The following F13A1 variants were observed in gnomAD, a reference collection of about 807,000 sequenced individuals.
The protein encoded by F13A1 is coagulation factor XIII A chain, also known as FSF, A subunit.
F13A1 carries 47 observed loss-of-function variants against 80.1 expected under a neutral mutation model. The ratio of observed to expected loss-of-function variants is 0.59; its 90% CI spans 0.46 to 0.75. The LOEUF (loss-of-function observed/expected upper bound fraction) is 0.75. Among genes scored for constraint, F13A1 ranks in the 30% least tolerant of loss-of-function variants. F13A1 has a pLI of 0.00. For synonymous variants in F13A1, 349 were observed against 344.9 expected (o/e 1.01, Z -0.13); for missense variants, 817 against 930.4 (o/e 0.88, Z 1.59).
chr6:6,176,901 A>G (rs994649840), intron 11 of F13A1, among the ~76,000 whole-genome samples: 2 of 152,196 alleles, frequency 1.3e-5, no homozygotes, highest in Non-Finnish European at 1.5e-5. Flanking sequence ...ACAGCCTGCC[A>G]TGGGTGCAGG....
At chr6:6,232,286 CG>C (rs1561662828) in intron 6 of F13A1, among the ~76,000 whole-genome samples, 2 of 151,980 alleles carry the variant, frequency 1.3e-5, no homozygotes, top group Non-Finnish European at 2.9e-5. Context: ...ACACCAAAAG[CG>C]AGCAGGGGTA....
chr6:6,165,129 C>T (rs1463177276), intron 13 of F13A1, among the ~76,000 whole-genome samples: 3 of 152,192 alleles, frequency 2.0e-5, no homozygotes, highest in South Asian at 4.1e-4. Context: ...GCCAGAATCT[C>T]CATCTCTCTC....
At chr6:6,289,433 C>CAT in intron 3 of F13A1, among the ~76,000 whole-genome samples, 1 of 149,254 alleles carries the variant, frequency 6.7e-6, no homozygotes, top group Non-Finnish European at 1.5e-5. Context: ...TATGCAAATA[C>CAT]ACACACACAC....
At chr6:6,211,878 G>A (rs1285191936) in intron 8 of F13A1, among the ~76,000 whole-genome samples, 6 of 152,362 alleles carry the variant, frequency 3.9e-5, no homozygotes, top group African/African-American at 9.6e-5. Context: ...AGCGCAAGGG[G>A]TCAGGGAGTT....
Position 6,174,572 on chromosome 6 carries a change from T to A in F13A1, c.1747+8A>T, listed in dbSNP as rs777253930. 2 of 1,613,978 alleles carry A rather than the reference T, an allele frequency of 1.2e-6. No homozygotes were observed. Among genetic ancestry groups the A allele is most frequent in the Admixed American group, 3.3e-5 (2 of 60,008 alleles). ...GTCTCAGAAAGAACCACACCATTGT[T>A]AGCTTACAGGACAAGGGCTCCAGCG... On this transcript the variant is annotated splice_region_variant and intron_variant, in intron 12 of 14. Transcript: ENST00000264870.
chr6:6,222,078 T>C lies in F13A1; in HGVS notation c.1067A>G (p.Glu356Gly). 6.2e-7 allele frequency: 1 copy of C among 1,614,074 alleles called. No homozygotes were observed. Among genetic ancestry groups the C allele is most frequent in the Non-Finnish European group, 8.5e-7 (1 of 1,179,948 alleles). The change falls in exon 8 of 15, where the codon GAA (glutamate) becomes GGA (glycine). Residue 356 changes from glutamate to glycine, a missense_variant. Coordinates refer to ENST00000264870, the MANE Select transcript of F13A1 (RefSeq NM_000129.4). ...DANLQMDIFLEEDGNVNSKLT... is the reference protein window; with the variant it reads ...DANLQMDIFLGEDGNVNSKLT... ...TTTGGAATTCACGTTCCCATCTTCT[T>C]CCAGGAAGATGTCCATTTGCAAATT... is the stretch of plus-strand genomic sequence containing the variant.
chr6:6,204,333 T>C (rs1026600349), intron 8 of F13A1, among the ~76,000 whole-genome samples: 2 of 152,164 alleles, frequency 1.3e-5, no homozygotes, highest in South Asian at 2.1e-4. Context: ...AGAGCACAAA[T>C]AAGATCAAGA....
At chr6:6,314,038 A>T (rs1286689105) in intron 2 of F13A1, among the ~76,000 whole-genome samples, 6 of 143,214 alleles carry the variant, frequency 4.2e-5, no homozygotes, top group South Asian at 2.2e-4. Context: ...CTGGAGTGCA[A>T]TGGCACAATC....
chr6:6,158,287 T>C (rs949845337), intron 13 of F13A1, among the ~76,000 whole-genome samples: 1 of 152,116 alleles, frequency 6.6e-6, no homozygotes, highest in African/African-American at 2.4e-5. Context: ...GAGAGCAAGC[T>C]GGATGCAGGG....
intron 8 of F13A1, among the ~76,000 whole-genome samples, chr6:6,213,780 A>G (rs2113040174): frequency 6.7e-6 from 1 of 149,196 alleles, no homozygotes; most frequent in Admixed American, 6.7e-5. Context: ...TATTCAGGAA[A>G]CCCATCTCAC....
At chr6:6,199,415 G>A (rs111460341) in intron 8 of F13A1, among the ~76,000 whole-genome samples, 14 of 152,108 alleles carry the variant, frequency 9.2e-5, no homozygotes, top group South Asian at 4.2e-4. Flanking sequence ...GCGTGAACCC[G>A]GGAGGCGGAG....
chr6:6,207,304 C>T (rs1447928194), intron 8 of F13A1, among the ~76,000 whole-genome samples: 1 of 152,168 alleles, frequency 6.6e-6, no homozygotes, highest in Non-Finnish European at 1.5e-5. Context: ...ACTTGCCTGG[C>T]AGCTCTCTGA....
chr6:6,217,687 T>TAAATAA (rs754395743), intron 8 of F13A1, among the ~76,000 whole-genome samples: 23 of 151,610 alleles, frequency 1.5e-4, no homozygotes, highest in Non-Finnish European at 5.9e-5. Flanking sequence ...ATAATAAAAA[T>TAAATAA]AAATAAAAAT....
intron 13 of F13A1, among the ~76,000 whole-genome samples, chr6:6,156,865 G>A (rs529468543): frequency 7.9e-5 from 12 of 152,316 alleles, no homozygotes; most frequent in South Asian, 4.1e-4. Context: ...CATATGGCTC[G>A]TGGCTACTGC....
intron 10 of F13A1, among the ~76,000 whole-genome samples, chr6:6,184,201 G>A (rs544629219): frequency 8.5e-5 from 13 of 152,362 alleles, no homozygotes; most frequent in African/African-American, 2.2e-4. Context: ...ACCGTATTAT[G>A]GATGAGGGCA....
intron 8 of F13A1, among the ~76,000 whole-genome samples, chr6:6,208,898 G>A (rs988902465): frequency 2.6e-5 from 4 of 152,230 alleles, no homozygotes; most frequent in African/African-American, 7.2e-5. Flanking sequence ...GAACAAAACA[G>A]AGGAGCAAAT....
chr6:6,146,260 T>G (rs3799564), intron 14 of F13A1, among the ~76,000 whole-genome samples: 38,213 of 152,082 alleles, frequency 0.25, 5,257 homozygotes, highest in African/African-American at 0.35. Context: ...TAGACCTTGT[T>G]CCCAGGCTCA....
chr6:6,195,977 A>G, intron 9 of F13A1, 92 bp from the exon 10 acceptor site: 2 of 1,153,468 alleles, frequency 1.7e-6, no homozygotes, highest in African/African-American at 1.5e-5. Flanking sequence ...TGACTCTGTA[A>G]AGACCAGTGT....
chr6:6,282,352 G>A lies in F13A1; in HGVS notation c.320-15543C>T, dbSNP rs147328976. ...TTGGAACAGTCCAACTGGCAAAATC[G>A]AGGCTGTTTGAACATTAAGTTATTT... On this transcript the variant is annotated intron_variant, in intron 3 of 14. Coordinates refer to ENST00000264870, the MANE Select transcript of F13A1 (RefSeq NM_000129.4). Among the ~76,000 whole-genome samples the A allele has an allele frequency of 3.3e-3, 499 of 152,260 alleles. 4 individuals carry two copies. Among genetic ancestry groups the A allele is most frequent in the Middle Eastern group, 6.8e-3 (2 of 294 alleles).
Sources: gnomAD v4.1 joint callset for allele counts (sites outside exome capture counted in the v4.1 genomes callset) on GRCh38, gnomAD v4.1.1 for gene constraint, MANE v1.5 for transcripts, NCBI Gene and HGNC (gene_info 2026-07-23, HGNC 2026-07-21) for gene names.